The following RHCE variants were observed in gnomAD, a reference collection of about 807,000 sequenced individuals.
RHCE encodes blood group Rh(CE) polypeptide.
RHCE carries 22 observed loss-of-function variants against 43.8 expected under a neutral mutation model. That is an observed-to-expected ratio of 0.50 (90% CI 0.36 to 0.72). The LOEUF is 0.72. Among genes scored for constraint, RHCE ranks in the 30% least tolerant of loss-of-function variants. The pLI, the probability that RHCE is intolerant of heterozygous loss-of-function variation, is 0.00. For synonymous variants in RHCE, 156 were observed against 210.7 expected (o/e 0.74, Z 2.25); for missense variants, 385 against 525.4 (o/e 0.73, Z 2.61).
chr1:25,416,606 C>A (rs1355842407), intron 1 of RHCE, among the ~76,000 whole-genome samples: 2 of 151,688 alleles, frequency 1.3e-5, no homozygotes, highest in Non-Finnish European at 2.9e-5. Flanking sequence ...TACAGTCTCG[C>A]TTCACCTCAA....
chr1:25,399,995 TATA>T (rs1414167761), intron 3 of RHCE, among the ~76,000 whole-genome samples: 1 of 152,164 alleles, frequency 6.6e-6, no homozygotes, highest in Admixed American at 6.5e-5. Context: ...TAAAATGTTG[TATA>T]ATAATAATAA....
upstream of RHCE, among the ~76,000 whole-genome samples, chr1:25,421,928 A>C (rs1557649827): frequency 2.6e-5 from 4 of 152,338 alleles, no homozygotes; most frequent in South Asian, 8.3e-4. Flanking sequence ...TGGAAGGTGG[A>C]AAGTGGATAC....
At chr1:25,391,899 A>G in intron 4 of RHCE, 95 bp downstream of exon 4, 1 of 1,556,952 alleles carries the variant, frequency 6.4e-7, no homozygotes. Flanking sequence ...ACCCAGGGGA[A>G]GTTGGTAAAG....
intron 3 of RHCE, 69 bp downstream of exon 3, chr1:25,402,527 C>T (rs533465983): frequency 8.3e-5 from 134 of 1,613,112 alleles, no homozygotes; most frequent in African/African-American, 7.6e-4. Flanking sequence ...TTCAAAACCC[C>T]GGAAGCCCCA....
At chr1:25,402,439 G>A (rs28631635) in intron 3 of RHCE, among the ~76,000 whole-genome samples, 157 bp downstream of exon 3, 1 of 151,460 alleles carries the variant, frequency 6.6e-6, no homozygotes, top group African/African-American at 2.4e-5. Flanking sequence ...ATGCCCAGGC[G>A]GGTCTCAAAC....
chr1:25,368,127 G>A (rs543956120), intron 9 of RHCE, among the ~76,000 whole-genome samples: 1 of 149,862 alleles, frequency 6.7e-6, no homozygotes, highest in Admixed American at 6.6e-5. Flanking sequence ...TCTTGATGGT[G>A]GTGATGGTCT....
chr1:25,417,824 T>C (rs1295733906), intron 1 of RHCE, among the ~76,000 whole-genome samples: 1 of 152,140 alleles, frequency 6.6e-6, no homozygotes, highest in Non-Finnish European at 1.5e-5. Context: ...CTCGGGTCAA[T>C]ACTACACTAC....
intron 1 of RHCE, among the ~76,000 whole-genome samples, chr1:25,415,295 C>G (rs1463280895): frequency 2.6e-5 from 4 of 152,234 alleles, no homozygotes; most frequent in African/African-American, 7.2e-5. Flanking sequence ...AATACAATCA[C>G]CAGGGTAGCT....
intron 3 of RHCE, among the ~76,000 whole-genome samples, chr1:25,392,562 CTTTTTTTTTTTTTTT>C (rs1211993147): frequency 1.5e-5 from 1 of 66,384 alleles, no homozygotes; most frequent in Non-Finnish European, 2.7e-5. Flanking sequence ...TGCCCGGCCT[CTTTTTTTTTTTTTTT>C]TTTTTTTTTT....
intron 8 of RHCE, among the ~76,000 whole-genome samples, chr1:25,373,281 A>G (rs544914140): frequency 1.3e-5 from 2 of 151,848 alleles, no homozygotes; most frequent in South Asian, 4.1e-4. Context: ...CACTTCGAAT[A>G]TACCAGTGAT....
intron 1 of RHCE, among the ~76,000 whole-genome samples, chr1:25,415,165 T>G (rs1324099843): frequency 6.6e-6 from 1 of 152,130 alleles, no homozygotes; most frequent in East Asian, 1.9e-4. Context: ...CAAGTACAGC[T>G]GACTTTATCT....
At chr1:25,386,016 T>A (rs753455612) in intron 6 of RHCE, among the ~76,000 whole-genome samples, 172 bp from the exon 7 acceptor site, 24 of 152,162 alleles carry the variant, frequency 1.6e-4, no homozygotes, top group Non-Finnish European at 3.1e-4. Flanking sequence ...GGGGAGTTTG[T>A]TGAAATGAAG....
At chr1:25,415,883 C>T (rs570026644) in intron 1 of RHCE, among the ~76,000 whole-genome samples, 1 of 151,972 alleles carries the variant, frequency 6.6e-6, no homozygotes, top group South Asian at 2.1e-4. Flanking sequence ...ACCCAGAGGG[C>T]TTGTGAAAAC....
chr1:25,381,311 C>T (rs1645991140), intron 7 of RHCE, among the ~76,000 whole-genome samples: 2 of 152,184 alleles, frequency 1.3e-5, no homozygotes, highest in African/African-American at 2.4e-5. Context: ...GAATGGCCTT[C>T]ACCAGCCACA....
intron 4 of RHCE, among the ~76,000 whole-genome samples, chr1:25,391,494 T>C (rs1428255005): frequency 6.8e-6 from 1 of 147,846 alleles, no homozygotes. Context: ...GCCCAAACGC[T>C]TATTTTTTTT....
At position 25,386,453 on chromosome 1, in the gene RHCE, G is replaced by A. The variant is rs149798784; in HGVS notation, c.940-609C>T. 5.3e-3 allele frequency among the ~76,000 whole-genome samples: 807 copies of A among 152,306 alleles called. 4 individuals carry two copies. The highest frequency in any genetic ancestry group is 8.9e-3 in the Non-Finnish European group (607 of 68,032). ...ATCACTCAGCCTCCCACACAGCCAT[G>A]AGCCAGCAGATGTGGACACATATGC... is the stretch of plus-strand genomic sequence containing the variant. On this transcript the variant is annotated intron_variant, in intron 6 of 9. Transcript: ENST00000294413.
intron 5 of RHCE, among the ~76,000 whole-genome samples, chr1:25,389,569 TG>T (rs1646292476): frequency 6.6e-6 from 1 of 152,218 alleles, no homozygotes; most frequent in Non-Finnish European, 1.5e-5. Context: ...CCACTGCACC[TG>T]GCCTAGAAGA....
intron 7 of RHCE, among the ~76,000 whole-genome samples, chr1:25,377,522 G>A (rs1357076341): frequency 6.6e-6 from 1 of 151,988 alleles, no homozygotes; most frequent in Non-Finnish European, 1.5e-5. Context: ...GGACATAAAA[G>A]AACTAAGCAT....
chr1:25,395,599 A>G (rs654818), intron 3 of RHCE, among the ~76,000 whole-genome samples: 88,150 of 150,818 alleles, frequency 0.58, 27,116 homozygotes, highest in African/African-American at 0.76. Flanking sequence ...TCTTCATTCC[A>G]CCTAAGAAAG....
Sources: gnomAD v4.1 joint callset for allele counts (sites outside exome capture counted in the v4.1 genomes callset) on GRCh38, gnomAD v4.1.1 for gene constraint, MANE v1.5 for transcripts, NCBI Gene and HGNC (gene_info 2026-07-23, HGNC 2026-07-21) for gene names.